The following LYPD6B variants were observed in gnomAD, a reference collection of about 807,000 sequenced individuals.
LYPD6B encodes LY6/PLAUR domain containing 6B.
Under a neutral mutation model 22.8 loss-of-function variants are expected in LYPD6B, and 17 were observed. That is an observed-to-expected ratio of 0.75 (90% confidence interval 0.51 to 1.12). The LOEUF (loss-of-function observed/expected upper bound fraction) is 1.12, where lower values mean the gene tolerates loss of function less well. Ranked by LOEUF, LYPD6B falls within the 50% of genes most tolerant of loss-of-function variation. The pLI is 0.00. For missense variants in LYPD6B, 221 were observed against 258.3 expected (o/e 0.86, Z 0.99); for synonymous variants, 106 against 91.6 (o/e 1.16, Z -0.90).
chr2:149,040,193 GTCTCTCTCTGTCTC>G lies in LYPD6B; in HGVS notation c.-67+1402_-67+1415del, dbSNP rs1199877841. Among the ~76,000 whole-genome samples the G allele has an allele frequency of 4.4e-5, 5 of 113,356 alleles. No homozygotes were observed. In the East Asian group the frequency reaches 1.5e-3, roughly 35 times the overall value. 74.4% of individuals were successfully genotyped at this position (113,356 alleles called of 152,430 possible). A position where few individuals can be genotyped will look rare whatever the true frequency, so the allele number is the denominator to read the frequency against. On this transcript the variant is annotated intron_variant, in intron 1 of 6. Transcript: ENST00000409642. ...TCCCATCTTCTCTATCCGTATAGCA[GTCTCTCTCTGTCTC>G]TCTCTCTCTCTCTCTTTTTTTTTTT...
At chr2:149,122,124 G>T in intron 1 of LYPD6B, among the ~76,000 whole-genome samples, 1 of 152,160 alleles carries the variant, frequency 6.6e-6, no homozygotes, top group East Asian at 1.9e-4. Context: ...CCTCTGGACT[G>T]CAGTCCAGAA....
chr2:149,092,917 G>A (rs1685724326), intron 1 of LYPD6B, among the ~76,000 whole-genome samples: 1 of 152,142 alleles, frequency 6.6e-6, no homozygotes, highest in Non-Finnish European at 1.5e-5. Context: ...GCTATCTTGG[G>A]GATTCTGTCA....
At chr2:149,053,940 C>A (rs1390659059) in intron 1 of LYPD6B, among the ~76,000 whole-genome samples, 1 of 74,982 alleles carries the variant, frequency 1.3e-5, no homozygotes, top group Non-Finnish European at 3.8e-5. Flanking sequence ...GTACTTCATT[C>A]TTTTGATGGC....
Position 149,212,380 on chromosome 2 carries a change from C to CAA in LYPD6B, c.329-589_329-588dup, listed in dbSNP as rs386391473. ...CTGGGGACAGAGTAAGACTCCGTCT[C>CAA]AAAAAAAAAAAAAAAAAAAAAAAAG... On this transcript the variant is annotated intron_variant, in intron 5 of 6. Coordinates refer to ENST00000409642, the MANE Select transcript of LYPD6B (RefSeq NM_177964.5). Among the ~76,000 whole-genome samples, 199 of 60,058 alleles carry CAA rather than the reference C, an allele frequency of 3.3e-3. 23 individuals carry two copies. The highest frequency in any genetic ancestry group is 9.3e-3 in the East Asian group (17 of 1,822). The allele number at this position is 60,058 out of a possible 152,430, so 39.4% of individuals were successfully genotyped here. A position where few individuals can be genotyped will look rare whatever the true frequency, so the allele number is the denominator to read the frequency against.
intron 1 of LYPD6B, among the ~76,000 whole-genome samples, chr2:149,064,971 A>G (rs911512501): frequency 6.6e-6 from 1 of 152,126 alleles, no homozygotes; most frequent in Non-Finnish European, 1.5e-5. Context: ...ACTGCAGTCT[A>G]TTACTGAGGT....
rs200936149 is a variant in LYPD6B, at chr2:149,061,201, T to G, written c.-67+22400T>G. Reference sequence around the variant, plus strand: ...CAGACTTAGCAGGCTGCAGTGCATTTTTTTTTTTTTTTTGAGACAGGGTCT... The same window carrying G: ...CAGACTTAGCAGGCTGCAGTGCATTGTTTTTTTTTTTTTGAGACAGGGTCT... On this transcript the variant is annotated intron_variant, in intron 1 of 6. Coordinates refer to ENST00000409642, the MANE Select transcript of LYPD6B (RefSeq NM_177964.5). 3.5e-4 allele frequency among the ~76,000 whole-genome samples: 41 copies of G among 118,660 alleles called. 1 individual carries two copies. Among genetic ancestry groups the G allele is most frequent in the Admixed American group, 3.1e-3 (39 of 12,638 alleles). 77.8% of individuals were successfully genotyped at this position (118,660 alleles called of 152,430 possible). A position where few individuals can be genotyped will look rare whatever the true frequency, so the allele number is the denominator to read the frequency against.
intron 3 of LYPD6B, among the ~76,000 whole-genome samples, chr2:149,196,419 T>C (rs1184290938): frequency 6.6e-6 from 1 of 152,264 alleles, no homozygotes; most frequent in Non-Finnish European, 1.5e-5. Flanking sequence ...AAACATGTTC[T>C]TTACTTGGGT....
intron 2 of LYPD6B, among the ~76,000 whole-genome samples, chr2:149,151,561 T>G (rs543213175): frequency 6.6e-6 from 1 of 152,288 alleles, no homozygotes; most frequent in African/African-American, 2.4e-5. Flanking sequence ...AAAATCACCT[T>G]GTTTTCAACC....
chr2:149,065,676 G>A (rs1043947195), intron 1 of LYPD6B, among the ~76,000 whole-genome samples: 3 of 152,048 alleles, frequency 2.0e-5, no homozygotes, highest in Non-Finnish European at 4.4e-5. Flanking sequence ...TCACCTGTGG[G>A]GGTCTTTTGT....
chr2:149,209,896 G>A (rs1207894089), intron 5 of LYPD6B, among the ~76,000 whole-genome samples: 1 of 151,222 alleles, frequency 6.6e-6, no homozygotes, highest in East Asian at 2.0e-4. Context: ...GTATGTATTT[G>A]GGGATTTATT....
At chr2:149,112,018 T>C (rs1413398637) in intron 1 of LYPD6B, among the ~76,000 whole-genome samples, 1 of 152,152 alleles carries the variant, frequency 6.6e-6, no homozygotes, top group Admixed American at 6.5e-5. Context: ...GTGGAAGACA[T>C]TGGGACCTTG....
At chr2:149,107,767 C>T (rs1265934230) in intron 1 of LYPD6B, among the ~76,000 whole-genome samples, 1 of 152,040 alleles carries the variant, frequency 6.6e-6, no homozygotes, top group Admixed American at 6.6e-5. Flanking sequence ...AATCTATTTA[C>T]CTGTGTTTTG....
At chr2:149,174,927 C>G (rs1691155978) in intron 3 of LYPD6B, among the ~76,000 whole-genome samples, 1 of 151,728 alleles carries the variant, frequency 6.6e-6, no homozygotes, top group Non-Finnish European at 1.5e-5. Flanking sequence ...CACATGTACC[C>G]CTGAACCTAA....
intron 1 of LYPD6B, among the ~76,000 whole-genome samples, chr2:149,069,393 G>A (rs115630368): frequency 0.015 from 2,252 of 152,138 alleles, 49 homozygotes; most frequent in African/African-American, 0.051. Flanking sequence ...GAGTGACTGC[G>A]GTGGAATTGT....
rs936499466 is a variant in LYPD6B at position 149,205,309 on chromosome 2, C to T, written c.134C>T (p.Ala45Val). The T allele has an allele frequency of 5.0e-6, 8 of 1,613,856 alleles. No homozygotes were observed. Among genetic ancestry groups the T allele is most frequent in the Non-Finnish European group, 6.8e-6 (8 of 1,179,858 alleles). Reference sequence around the variant, plus strand: ...GTCAGCATGCTGCTCCTCTGTCACGCTCTCGCTATAGCTGTTGTCCAGATC... The same window carrying T: ...GTCAGCATGCTGCTCCTCTGTCACGTTCTCGCTATAGCTGTTGTCCAGATC... The part of the protein sequence containing the change: ...HKVSMLLLCH[A>V]LAIAVVQIVI... The change falls in exon 4 of 7, where the codon GCT (alanine) becomes GTT (valine). Residue 45 changes from alanine to valine, a missense_variant. Transcript: ENST00000409642.
At chr2:149,194,102 T>A (rs1013150196) in intron 3 of LYPD6B, among the ~76,000 whole-genome samples, 6 of 152,218 alleles carry the variant, frequency 3.9e-5, no homozygotes, top group Non-Finnish European at 7.3e-5. Context: ...TTATAAAATA[T>A]TCTTCAGCTA....
At chr2:149,146,805 C>G (rs1479453132) in intron 2 of LYPD6B, among the ~76,000 whole-genome samples, 1 of 152,028 alleles carries the variant, frequency 6.6e-6, no homozygotes, top group Non-Finnish European at 1.5e-5. Context: ...ACTTTAGGGG[C>G]TGGTAGCTGT....
intron 1 of LYPD6B, among the ~76,000 whole-genome samples, chr2:149,055,593 G>A (rs187731160): frequency 4.0e-4 from 61 of 152,214 alleles, no homozygotes; most frequent in African/African-American, 1.3e-3. Context: ...TACAAGTTAT[G>A]CACTTCTCTC....
rs1295315735 is a variant in LYPD6B, at chr2:149,124,066, T to C, written c.-66-6817T>C. Among the ~76,000 whole-genome samples, 3 of 152,220 alleles carry C rather than the reference T, an allele frequency of 2.0e-5. No individual in the cohort carries two copies. The East Asian group carries it at 5.8e-4, about 29-fold the overall frequency. On this transcript the variant is annotated intron_variant, in intron 1 of 6. Coordinates refer to ENST00000409642, the MANE Select transcript of LYPD6B (RefSeq NM_177964.5). ...CTCCTGTGGAATCCAAGGGCCATTC[T>C]TCCTATTTTTACTGTAACCAAACAG...
Sources: gnomAD v4.1 joint callset for allele counts (sites outside exome capture counted in the v4.1 genomes callset) on GRCh38, gnomAD v4.1.1 for gene constraint, MANE v1.5 for transcripts, NCBI Gene and HGNC (gene_info 2026-07-23, HGNC 2026-07-21) for gene names.